Variants in MTA3 observed in about 807,000 individuals in gnomAD.
The protein encoded by MTA3 is metastasis associated 1 family member 3.
Under a neutral mutation model 83.5 loss-of-function variants are expected in MTA3, and 34 were observed. The observed-to-expected ratio is 0.41, with a 90% CI of 0.31 to 0.54. The LOEUF (loss-of-function observed/expected upper bound fraction) is 0.54. Among genes scored for constraint, MTA3 ranks in the 20% least tolerant of loss-of-function variants. The pLI is 0.33. For missense variants in MTA3, 761 were observed against 726.4 expected (o/e 1.05, Z -0.55); for synonymous variants, 303 against 252.7 (o/e 1.20, Z -1.89).
intron 8 of MTA3, among the ~76,000 whole-genome samples, chr2:42,667,550 G>A (rs1690338018): frequency 1.1e-5 from 1 of 90,684 alleles, no homozygotes; most frequent in South Asian, 4.1e-4. Flanking sequence ...CCATGTGTCA[G>A]AATTTCCATC....
At chr2:42,553,198 G>A (rs949004960) in intron 2 of MTA3, among the ~76,000 whole-genome samples, 8 of 151,964 alleles carry the variant, frequency 5.3e-5, no homozygotes, top group Non-Finnish European at 1.0e-4. Flanking sequence ...GGCCAAGGTG[G>A]GCAGATCACG....
intron 16 of MTA3, among the ~76,000 whole-genome samples, chr2:42,730,196 A>G (rs1052378577): frequency 6.6e-6 from 1 of 152,142 alleles, no homozygotes; most frequent in African/African-American, 2.4e-5. Context: ...TTATTTTCCA[A>G]TTTGATGACT....
intron 2 of MTA3, among the ~76,000 whole-genome samples, chr2:42,537,939 A>G (rs1282370285): frequency 6.6e-6 from 1 of 152,084 alleles, no homozygotes; most frequent in Non-Finnish European, 1.5e-5. Flanking sequence ...AACAATGATA[A>G]TTTTGACAAT....
In MTA3 at chr2:42,538,566, G is replaced by A. The variant is rs184452247; in HGVS notation, c.-140-31871G>A. Reference sequence around the variant, plus strand: ...CTACTAAAACTACAAAAATTAGCTGGGCGTGGTAGTGGGCACCTGTAACTC... The same window carrying A: ...CTACTAAAACTACAAAAATTAGCTGAGCGTGGTAGTGGGCACCTGTAACTC... On this transcript the variant is annotated intron_variant, in intron 2 of 17. Transcript: ENST00000405592. 4.3e-3 allele frequency among the ~76,000 whole-genome samples: 647 copies of A among 151,878 alleles called. 3 individuals carry two copies. The highest frequency in any genetic ancestry group is 0.015 in the African/African-American group (617 of 41,444).
chr2:42,648,776 G>C (rs1363196430), intron 6 of MTA3, among the ~76,000 whole-genome samples: 4 of 151,702 alleles, frequency 2.6e-5, no homozygotes, highest in Non-Finnish European at 5.9e-5. Flanking sequence ...TTATAACATT[G>C]GAATTTTAAG....
At chr2:42,748,662 A>G (rs1011054536) in intron 16 of MTA3, among the ~76,000 whole-genome samples, 6 of 152,152 alleles carry the variant, frequency 3.9e-5, no homozygotes, top group African/African-American at 1.4e-4. Flanking sequence ...TAATTCTAAC[A>G]TCTGAATTAT....
chr2:42,534,035 G>C (rs1238620580), intron 2 of MTA3, among the ~76,000 whole-genome samples: 2 of 152,012 alleles, frequency 1.3e-5, no homozygotes, highest in East Asian at 3.9e-4. Context: ...TCAAGAAGGA[G>C]GGACTTTTTC....
At position 42,754,571 on chromosome 2, in the gene MTA3, A is replaced by C. The variant is rs1670110792; in HGVS notation, c.*1172A>C. ...GCAGCTGCAAGGATAGGAATAGCTC[A>C]GCGCCCGATGAGCTCCCTGAGCAGA... On this transcript the variant is annotated 3_prime_UTR_variant, in exon 17 of 17. Transcript: ENST00000405094. 4.1e-6 allele frequency: 4 copies of C among 985,470 alleles called. No homozygotes were observed. The highest frequency in any genetic ancestry group is 4.8e-6 in the Non-Finnish European group (4 of 829,968). 61.0% of individuals were successfully genotyped at this position (985,470 alleles called of 1,614,324 possible). A position where few individuals can be genotyped will look rare whatever the true frequency, so the allele number is the denominator to read the frequency against.
intron 2 of MTA3, among the ~76,000 whole-genome samples, chr2:42,557,492 A>G (rs1332524318): frequency 2.0e-5 from 3 of 152,158 alleles, no homozygotes; most frequent in South Asian, 2.1e-4. Flanking sequence ...GAAAAGGTCA[A>G]ACTGCCTCCA....
At chr2:42,618,183 T>G (rs984882212) in intron 4 of MTA3, among the ~76,000 whole-genome samples, 2 of 151,984 alleles carry the variant, frequency 1.3e-5, no homozygotes, top group African/African-American at 4.8e-5. Context: ...CTTGGCCTCA[T>G]GTAATCCTTC....
intron 16 of MTA3, among the ~76,000 whole-genome samples, chr2:42,726,273 C>A (rs1236363408): frequency 6.6e-6 from 1 of 151,952 alleles, no homozygotes; most frequent in African/African-American, 2.4e-5. Flanking sequence ...GGCCTCTTAG[C>A]TTTAGGGCAG....
chr2:42,549,205 A>G (rs1676952750), intron 2 of MTA3, among the ~76,000 whole-genome samples: 1 of 136,722 alleles, frequency 7.3e-6, no homozygotes, highest in African/African-American at 2.7e-5. Flanking sequence ...TATGTATATA[A>G]TATATTATAT....
chr2:42,626,949 C>T (rs1686164643), intron 4 of MTA3, among the ~76,000 whole-genome samples: 1 of 152,082 alleles, frequency 6.6e-6, no homozygotes, highest in African/African-American at 2.4e-5. Flanking sequence ...CCATGTTGGC[C>T]AGGCTGGCTT....
At chr2:42,502,894 A>G (rs1189055929) in intron 2 of MTA3, among the ~76,000 whole-genome samples, 2 of 151,670 alleles carry the variant, frequency 1.3e-5, no homozygotes, top group Admixed American at 6.6e-5. Context: ...ACCGGGAGAC[A>G]GAGGTTGCAG....
At chr2:42,673,410 T>G in intron 8 of MTA3, among the ~76,000 whole-genome samples, 1 of 152,180 alleles carries the variant, frequency 6.6e-6, no homozygotes, top group East Asian at 1.9e-4. Flanking sequence ...ACAATGGGTT[T>G]ATCAGGGTAT....
intron 16 of MTA3, among the ~76,000 whole-genome samples, chr2:42,746,371 C>T (rs919416447): frequency 2.0e-5 from 3 of 152,166 alleles, no homozygotes; most frequent in Admixed American, 2.0e-4. Context: ...TCTGTTCTCT[C>T]ACTGAACAAC....
At chr2:42,675,015 C>T (rs929513359) in intron 8 of MTA3, among the ~76,000 whole-genome samples, 18 of 151,922 alleles carry the variant, frequency 1.2e-4, no homozygotes, top group African/African-American at 4.1e-4. Flanking sequence ...AGGCTGGTCT[C>T]GAACTCCTGC....
At chr2:42,639,120 G>T (rs1687468754) in intron 4 of MTA3, among the ~76,000 whole-genome samples, 1 of 150,554 alleles carries the variant, frequency 6.6e-6, no homozygotes, top group Non-Finnish European at 1.5e-5. Flanking sequence ...GAGTGCAGTG[G>T]CACGATCTCG....
At chr2:42,635,267 C>T (rs1012822578) in intron 4 of MTA3, among the ~76,000 whole-genome samples, 23 of 152,118 alleles carry the variant, frequency 1.5e-4, no homozygotes, top group African/African-American at 5.6e-4. Flanking sequence ...AAACTGTCTA[C>T]TCACTGATTT....
Sources: gnomAD v4.1 joint callset for allele counts (sites outside exome capture counted in the v4.1 genomes callset) on GRCh38, gnomAD v4.1.1 for gene constraint, MANE v1.5 for transcripts, NCBI Gene and HGNC (gene_info 2026-07-23, HGNC 2026-07-21) for gene names.